The following SMC1A variants were observed in gnomAD, a reference collection of about 807,000 sequenced individuals.
SMC1A encodes the protein structural maintenance of chromosomes protein 1A.
In SMC1A, 4 loss-of-function variants were observed where a neutral mutation model predicts 94.5. The observed-to-expected ratio is 0.04, with a 90% CI of 0.02 to 0.10. SMC1A has a LOEUF of 0.10. SMC1A is among the 10% of genes least tolerant of loss of function. The pLI, the probability that SMC1A is intolerant of heterozygous loss-of-function variation, is 1.00. For missense variants in SMC1A, 304 were observed against 989.0 expected (o/e 0.31, Z 9.29); for synonymous variants, 345 against 347.7 (o/e 0.99, Z 0.09).
chrX:53,382,778 G>A (rs2075589805), intron 20 of SMC1A, 118 bp from the exon 21 acceptor site: 2 of 914,421 alleles, frequency 2.2e-6, no homozygotes, highest in Admixed American at 2.5e-5. Flanking sequence ...GGTCCCAGAA[G>A]GATCTGTATC....
chrX:53,401,921 T>A (rs1259841625), intron 15 of SMC1A, among the ~76,000 whole-genome samples: 1 of 110,409 alleles, frequency 9.1e-6, no homozygotes, highest in Admixed American at 9.7e-5. Context: ...TTTTTTTTTT[T>A]TTACTTTTTT....
Sources: allele counts gnomAD v4.1 joint callset (sites outside exome capture counted in the v4.1 genomes callset), GRCh38; gene constraint gnomAD v4.1.1; transcripts MANE v1.5; gene names NCBI Gene and HGNC (gene_info 2026-07-23, HGNC 2026-07-21).